FNBP1: variants seen among roughly 807,000 people sequenced by gnomAD.
The protein encoded by FNBP1 is formin-binding protein 1.
FNBP1 carries 26 observed loss-of-function variants against 90.6 expected under a neutral mutation model. That is an observed-to-expected ratio of 0.29 (90% CI 0.21 to 0.40). FNBP1 has a LOEUF of 0.40. Among genes scored for constraint, FNBP1 ranks in the 10% least tolerant of loss-of-function variants. The probability of loss-of-function intolerance (pLI) is 1.00; values close to 1 mark genes in which losing one functional copy is unlikely to be tolerated. For synonymous variants in FNBP1, 260 were observed against 265.2 expected (o/e 0.98, Z 0.19); for missense variants, 635 against 768.0 (o/e 0.83, Z 2.05).
chr9:129,939,381 C>T (rs985005635), intron 6 of FNBP1, among the ~76,000 whole-genome samples: 37 of 150,022 alleles, frequency 2.5e-4, no homozygotes, highest in Admixed American at 1.7e-3. Context: ...AAGAGCAAGC[C>T]TCCGTCCCGA....
chr9:129,985,746 G>A (rs1025738205), intron 2 of FNBP1, among the ~76,000 whole-genome samples: 2 of 151,946 alleles, frequency 1.3e-5, no homozygotes, highest in African/African-American at 4.8e-5. Flanking sequence ...TGGATCAACT[G>A]AGGTTAAGGA....
chr9:129,977,638 C>T (rs1419496035), intron 4 of FNBP1, among the ~76,000 whole-genome samples: 1 of 151,794 alleles, frequency 6.6e-6, no homozygotes, highest in East Asian at 1.9e-4. Flanking sequence ...GTTATGGGTA[C>T]CCGTCACCAC....
intron 11 of FNBP1, among the ~76,000 whole-genome samples, chr9:129,913,073 T>C (rs1286178690): frequency 6.6e-6 from 1 of 151,988 alleles, no homozygotes; most frequent in Non-Finnish European, 1.5e-5. Context: ...CTAGGCATGA[T>C]GGCAGTTGCC....
upstream of FNBP1, among the ~76,000 whole-genome samples, chr9:130,043,504 G>C (rs866138382): frequency 1.3e-5 from 2 of 152,230 alleles, no homozygotes; most frequent in Non-Finnish European, 2.9e-5. Context: ...CCGATGCTCC[G>C]CCGCGGTCTG....
intron 1 of FNBP1, among the ~76,000 whole-genome samples, chr9:130,038,159 C>A (rs377498505): frequency 4.0e-5 from 6 of 151,800 alleles, no homozygotes; most frequent in African/African-American, 1.5e-4. Flanking sequence ...TCGAGACCAT[C>A]CTGGCTAACA....
intron 15 of FNBP1, among the ~76,000 whole-genome samples, chr9:129,899,634 T>C (rs1324688518): frequency 6.6e-6 from 1 of 151,552 alleles, no homozygotes; most frequent in Admixed American, 6.6e-5. Flanking sequence ...GAGGCTGAGG[T>C]TGGAGGATCA....
At chr9:130,000,086 T>C (rs773999901) in intron 1 of FNBP1, among the ~76,000 whole-genome samples, 3 of 152,226 alleles carry the variant, frequency 2.0e-5, no homozygotes, top group African/African-American at 4.8e-5. Context: ...TCTGAAACCA[T>C]AGAGATGCAG....
chr9:129,972,224 C>G (rs2049567580), intron 4 of FNBP1, among the ~76,000 whole-genome samples: 1 of 152,124 alleles, frequency 6.6e-6, no homozygotes, highest in East Asian at 1.9e-4. Flanking sequence ...ACCTCTGCCT[C>G]CCGGGTTCAA....
chr9:129,965,691 C>CAG lies in FNBP1; in HGVS notation c.346-7139_346-7138insCT, dbSNP rs749461041. ...AACCCCATCTCTCTTAAAACACACA[C>CAG]ACACACGCGCGCGCGCGCACACACA... On this transcript the variant is annotated intron_variant, in intron 4 of 16. Coordinates refer to ENST00000446176, the MANE Select transcript of FNBP1 (RefSeq NM_015033.3). 1.3e-3 allele frequency among the ~76,000 whole-genome samples: 154 copies of CAG among 118,028 alleles called. 1 individual carries two copies. Among genetic ancestry groups the CAG allele is most frequent in the South Asian group, 2.4e-3 (8 of 3,336 alleles). 77.4% of individuals were successfully genotyped at this position (118,028 alleles called of 152,430 possible). A position where few individuals can be genotyped will look rare whatever the true frequency, so the allele number is the denominator to read the frequency against.
chr9:129,970,452 C>A (rs1349406443), intron 4 of FNBP1, among the ~76,000 whole-genome samples: 1 of 151,652 alleles, frequency 6.6e-6, no homozygotes, highest in African/African-American at 2.4e-5. Flanking sequence ...GCAATCCACC[C>A]GCCTTGGCCT....
chr9:129,967,615 C>A (rs966618070), intron 4 of FNBP1, among the ~76,000 whole-genome samples: 1 of 152,138 alleles, frequency 6.6e-6, no homozygotes, highest in Admixed American at 6.6e-5. Flanking sequence ...CCTCTGCTGA[C>A]AAAGGTGCAA....
intron 6 of FNBP1, among the ~76,000 whole-genome samples, chr9:129,938,216 G>C (rs2043785137): frequency 6.6e-6 from 1 of 152,130 alleles, no homozygotes; most frequent in South Asian, 2.1e-4. Context: ...AAAGCTAATG[G>C]AGTAGAAGGG....
intron 4 of FNBP1, among the ~76,000 whole-genome samples, chr9:129,960,538 C>G (rs1375563740): frequency 6.6e-6 from 1 of 152,084 alleles, no homozygotes; most frequent in African/African-American, 2.4e-5. Context: ...TCCTGGCCAT[C>G]TGCAAAGGCC....
chr9:130,020,861 G>A (rs2057760519), intron 1 of FNBP1, among the ~76,000 whole-genome samples: 2 of 152,158 alleles, frequency 1.3e-5, no homozygotes, highest in African/African-American at 2.4e-5. Context: ...CAGGAACAAC[G>A]GGGAATGTAA....
In FNBP1 at chr9:130,042,526, C is replaced by G. The variant is rs1238031604; in HGVS notation, c.24+426G>C. Among the ~76,000 whole-genome samples the G allele has an allele frequency of 6.6e-6, 1 of 151,892 alleles. No individual in the cohort carries two copies. Among genetic ancestry groups the G allele is most frequent in the Non-Finnish European group, 1.5e-5 (1 of 67,934 alleles). On this transcript the variant is annotated intron_variant, in intron 1 of 16. Transcript: ENST00000446176. The surrounding 1 kb of genome is among the most constrained non-coding windows in gnomAD (Gnocchi z 5.5). ...CGCCAGCGCCTCCGCGGAGCCAGGA[C>G]AGAACTCGCGGCCGGGGCGCCCCGA... is the stretch of plus-strand genomic sequence containing the variant.
chr9:129,932,419 T>C (rs995319446), intron 6 of FNBP1, among the ~76,000 whole-genome samples: 1 of 152,164 alleles, frequency 6.6e-6, no homozygotes, highest in African/African-American at 2.4e-5. Flanking sequence ...TTCCTGCCTA[T>C]GTGACTTGAA....
chr9:129,961,331 A>C (rs1037771343), intron 4 of FNBP1, among the ~76,000 whole-genome samples: 1 of 152,004 alleles, frequency 6.6e-6, no homozygotes, highest in Non-Finnish European at 1.5e-5. Flanking sequence ...CCCGAAAAAC[A>C]AACAAACAAA....
chr9:130,019,763 T>A (rs2057627715), intron 1 of FNBP1, among the ~76,000 whole-genome samples: 1 of 152,218 alleles, frequency 6.6e-6, no homozygotes, highest in African/African-American at 2.4e-5. Context: ...TTATTTTTTA[T>A]TTTCATTTTT....
chr9:129,902,883 T>A lies in FNBP1; in HGVS notation c.1414A>T (p.Thr472Ser). 6.2e-7 allele frequency: 1 copy of A among 1,613,584 alleles called. No individual in the cohort carries two copies. Among genetic ancestry groups the A allele is most frequent in the Non-Finnish European group, 8.5e-7 (1 of 1,179,820 alleles). The change falls in exon 13 of 17, where the codon ACC (threonine) becomes TCC (serine). Residue 472 changes from threonine (T) to serine (S), a missense_variant. Transcript: ENST00000446176. ...SQNIEKLRVE[T>S]QKFEAWLAEV... ...AAGTTTCATACCTCAAATTTCTGGG[T>A]CTCTACTCGCAGTTTCTCTATATTT...
Sources: allele counts gnomAD v4.1 joint callset (sites outside exome capture counted in the v4.1 genomes callset), GRCh38; gene constraint gnomAD v4.1.1; non-coding constraint Gnocchi (gnomAD v3.1); transcripts MANE v1.5; gene names NCBI Gene and HGNC (gene_info 2026-07-23, HGNC 2026-07-21).